The following UBR4 variants were observed in gnomAD, a reference collection of about 807,000 sequenced individuals.
UBR4 encodes ubiquitin protein ligase E3 component n-recognin 4.
In UBR4, 124 loss-of-function variants were observed where a neutral mutation model predicts 575.6. That is an observed-to-expected ratio of 0.22 (90% CI 0.19 to 0.25). The LOEUF is 0.25. Among genes scored for constraint, UBR4 ranks in the 10% least tolerant of loss-of-function variants. The pLI is 1.00. For missense variants in UBR4, 4,818 were observed against 6,478.8 expected (o/e 0.74, Z 8.80); for synonymous variants, 2,455 against 2,473.7 (o/e 0.99, Z 0.22).
In UBR4 at chr1:19,187,212, G is replaced by C. The variant is rs1304487993; in HGVS notation, c.1584C>G (p.Val528=). Reference sequence around the variant, plus strand: ...ACGTCAAGAGCAGGTTCATCAGTGGGACAGAGTCAATCAGCCGTTGAATCC... The same window carrying C: ...ACGTCAAGAGCAGGTTCATCAGTGGCACAGAGTCAATCAGCCGTTGAATCC... The part of the protein sequence containing the change: ...IQRIQRLIDS[V]PLMNLLLTLL... The change falls in exon 13 of 106, where the codon GTC becomes GTG. Residue 528 remains valine (V), a synonymous_variant. Coordinates refer to ENST00000375254, the MANE Select transcript of UBR4 (RefSeq NM_020765.3). The C allele has an allele frequency of 1.2e-6, 2 of 1,613,828 alleles. No homozygotes were observed. Among genetic ancestry groups the C allele is most frequent in the South Asian group, 1.1e-5 (1 of 91,070 alleles).
intron 17 of UBR4, among the ~76,000 whole-genome samples, chr1:19,183,417 G>C (rs2091206167): frequency 6.6e-6 from 1 of 152,122 alleles, no homozygotes; most frequent in African/African-American, 2.4e-5. Flanking sequence ...ATGACAAACT[G>C]TTCCTTAACA....
rs1221800150 is a variant in UBR4, at chr1:19,170,899, G to A, written c.3522-16C>T. 2 of 1,613,494 alleles carry A rather than the reference G, an allele frequency of 1.2e-6. No individual in the cohort carries two copies. Among genetic ancestry groups the A allele is most frequent in the Admixed American group, 3.3e-5 (2 of 59,994 alleles). On this transcript the variant is annotated splice_polypyrimidine_tract_variant and intron_variant, in intron 25 of 105. Transcript: ENST00000375254. ...CAAATAGGCTCTGGGGAAAAAACAG[G>A]GGGAAAGTGAAGCCATAAGATTCTA...
At chr1:19,078,226 G>C (rs41273189) in intron 103 of UBR4, 160 bp from the exon 104 acceptor site, 535 of 651,074 alleles carry the variant, frequency 8.2e-4, no homozygotes, top group Non-Finnish European at 1.3e-3. Context: ...CTGTGGGCAA[G>C]AACCTCTGGA....
In UBR4 at chr1:19,121,310, C is replaced by T. The variant is rs771490848; in HGVS notation, c.10020G>A (p.Ser3340=). The change falls in exon 68 of 106, where the codon TCG becomes TCA. Residue 3340 remains serine, a synonymous_variant. Coordinates refer to ENST00000375254, the MANE Select transcript of UBR4 (RefSeq NM_020765.3). Reference sequence around the variant, plus strand: ...AGGAGGAAGAAGCACTGGAGGATCCCGAAGAGGCTGCCAGTGCAGCGAGCA... The same window carrying T: ...AGGAGGAAGAAGCACTGGAGGATCCTGAAGAGGCTGCCAGTGCAGCGAGCA... ...SKVLAALAAS[S]GSSSASSSSA... The T allele has an allele frequency of 1.8e-5, 29 of 1,614,054 alleles. No individual in the cohort carries two copies. Among genetic ancestry groups the T allele is most frequent in the Non-Finnish European group, 2.2e-5 (26 of 1,180,038 alleles).
Position 19,164,411 on chromosome 1 carries a change from A to G in UBR4, c.4542T>C (p.Leu1514=). Residue 1514 remains leucine (L), a synonymous_variant, in exon 33 of 106, where the codon CTT becomes CTC. Coordinates refer to ENST00000375254, the MANE Select transcript of UBR4 (RefSeq NM_020765.3). The part of the protein sequence containing the change: ...SQVGEGVCAV[L]LGTLTPMATE... Reference sequence around the variant, plus strand: ...TTGCCATGGGAGTCAGGGTGCCCAGAAGAACAGCACACACACCTTCCCCAA... The same window carrying G: ...TTGCCATGGGAGTCAGGGTGCCCAGGAGAACAGCACACACACCTTCCCCAA... The G allele has an allele frequency of 6.2e-7, 1 of 1,614,156 alleles. No individual in the cohort carries two copies. Among genetic ancestry groups the G allele is most frequent in the Non-Finnish European group, 8.5e-7 (1 of 1,180,022 alleles).
chr1:19,143,259 G>GAAGGAAGGAAGGAAGAAAGA (rs1444831970), intron 55 of UBR4, among the ~76,000 whole-genome samples: 2 of 91,566 alleles, frequency 2.2e-5, no homozygotes, highest in African/African-American at 8.2e-5. Flanking sequence ...AGGAAGGAAG[G>GAAGGAAGGAAGGAAGAAAGA]AAGAAAGAAA....
Position 19,119,598 on chromosome 1 carries a change from G to C in UBR4, c.10414C>G (p.Leu3472Val), listed in dbSNP as rs1441022826. The change falls in exon 70 of 106, where the codon CTA (leucine) becomes GTA (valine). Residue 3472 changes from leucine (L) to valine (V), a missense_variant. Physicochemically the swap from Leu to Val is conservative, Grantham distance 32. Coordinates refer to ENST00000375254, the MANE Select transcript of UBR4 (RefSeq NM_020765.3). Reference protein sequence around the residue: ...GRKAAQFVDLLGYFSLKTPQT... With the variant: ...GRKAAQFVDLVGYFSLKTPQT... Reference sequence around the variant, plus strand: ...GGAGTTTTCAGGGAGAAATATCCTAGTAGGTCCACAAACTGGGCAGCCTTA... The same window carrying C: ...GGAGTTTTCAGGGAGAAATATCCTACTAGGTCCACAAACTGGGCAGCCTTA... The C allele has an allele frequency of 6.2e-7, 1 of 1,614,030 alleles. No homozygotes were observed. Among genetic ancestry groups the C allele is most frequent in the African/African-American group, 1.3e-5 (1 of 75,030 alleles).
At chr1:19,170,620 A>G in intron 26 of UBR4, 142 bp downstream of exon 26, 1 of 1,148,092 alleles carries the variant, frequency 8.7e-7, no homozygotes, top group Non-Finnish European at 1.2e-6. Context: ...AGATCAAAAT[A>G]GACAAACCTA....
chr1:19,121,394 A>C lies in UBR4; in HGVS notation c.9936T>G (p.Asp3312Glu). The C allele has an allele frequency of 1.2e-6, 2 of 1,614,104 alleles. No individual in the cohort carries two copies. Among genetic ancestry groups the C allele is most frequent in the Middle Eastern group, 3.3e-4 (2 of 6,056 alleles). Residue 3312 changes from aspartate (D) to glutamate (E), a missense_variant, in exon 68 of 106, where the codon GAT becomes GAG. Asp to Glu is a conservative substitution (Grantham distance 45). Coordinates refer to ENST00000375254, the MANE Select transcript of UBR4 (RefSeq NM_020765.3). ...GCAGCAGCACTGGGGACACGCCCTC[A>C]TCCACAAGGAAACTGACTTGGAGGA... ...YFLLQVSFLV[D>E]EGVSPVLLQL...
chr1:19,113,752 C>T lies in UBR4; in HGVS notation c.11404G>A (p.Glu3802Lys). ...VNRYILQLAQ[E>K]YCGDCKNSFD... ...GAGTTCTTGCAGTCTCCACAATACT[C>T]CTGAGCCAACTGCAGGATGTAACGA... The change falls in exon 77 of 106, where the codon GAG (glutamate) becomes AAG (lysine). Residue 3802 changes from glutamate to lysine, a missense_variant. Transcript: ENST00000375254. 6.2e-7 allele frequency: 1 copy of T among 1,614,224 alleles called. No individual in the cohort carries two copies. Among genetic ancestry groups the T allele is most frequent in the Non-Finnish European group, 8.5e-7 (1 of 1,180,034 alleles).
Position 19,129,063 on chromosome 1 carries a change from A to T in UBR4, c.8918T>A (p.Val2973Asp). Residue 2973 changes from valine to aspartate, a missense_variant, in exon 61 of 106, where the codon GTC becomes GAC. By Grantham distance (152) the Val-to-Asp change is radical. This residue lies in a region of UBR4 where 87 missense variants were observed against 82.8 expected (regional missense o/e 1.05). Coordinates refer to ENST00000375254, the MANE Select transcript of UBR4 (RefSeq NM_020765.3). Reference sequence around the variant, plus strand: ...TAATCTCTCCAACAGCATTAGACGGACCATGTGCAGCCTAAAAGGGTGGGG... The same window carrying T: ...TAATCTCTCCAACAGCATTAGACGGTCCATGTGCAGCCTAAAAGGGTGGGG... The part of the protein sequence containing the change: ...DVHTSNRLHM[V>D]RLMLLERLLQ... 6.2e-7 allele frequency: 1 copy of T among 1,614,082 alleles called. No homozygotes were observed. The highest frequency in any genetic ancestry group is 8.5e-7 in the Non-Finnish European group (1 of 1,179,970).
chr1:19,195,582 T>A (rs1389834907), intron 8 of UBR4, among the ~76,000 whole-genome samples: 1 of 152,134 alleles, frequency 6.6e-6, no homozygotes, highest in Non-Finnish European at 1.5e-5. Context: ...AATTTAAAAA[T>A]GCAAAATCAA....
chr1:19,088,055 A>G lies in UBR4; in HGVS notation c.14431-126T>C, dbSNP rs774090104. 1.0e-5 allele frequency: 7 copies of G among 671,152 alleles called. No individual in the cohort carries two copies. Among genetic ancestry groups the G allele is most frequent in the Non-Finnish European group, 1.8e-5 (7 of 379,260 alleles). The allele number at this position is 671,152 out of a possible 1,614,324, so 41.6% of individuals were successfully genotyped here. On this transcript the variant is annotated intron_variant, in intron 98 of 105. Coordinates refer to ENST00000375254, the MANE Select transcript of UBR4 (RefSeq NM_020765.3). The surrounding 1 kb of genome is among the most constrained non-coding windows in gnomAD (Gnocchi z 4.0). ...TAAAAGGACAGGTGCATGAGAGGAA[A>G]GCCCTTGAGCTGTCTTCTAATAAGG... is the stretch of plus-strand genomic sequence containing the variant.
chr1:19,160,807 G>C, intron 38 of UBR4, 110 bp downstream of exon 38: 1 of 1,059,136 alleles, frequency 9.4e-7, no homozygotes, highest in East Asian at 2.6e-5. Context: ...ATGAAAATGG[G>C]TAAAGGAGAA....
intron 26 of UBR4, 83 bp from the exon 27 acceptor site, chr1:19,169,615 G>C (rs1364449795): frequency 7.2e-6 from 8 of 1,111,568 alleles, no homozygotes; most frequent in Admixed American, 2.3e-5. Flanking sequence ...CCCAAATGCA[G>C]AAAGAAACAG....
At chr1:19,077,141 G>A (rs2076022828) in intron 104 of UBR4, among the ~76,000 whole-genome samples, 1 of 152,172 alleles carries the variant, frequency 6.6e-6, no homozygotes, top group Non-Finnish European at 1.5e-5. Context: ...GCTCCAACAA[G>A]TGGCTGCATT....
chr1:19,129,986 A>G (rs985325031), intron 60 of UBR4, among the ~76,000 whole-genome samples: 3 of 152,180 alleles, frequency 2.0e-5, no homozygotes, highest in Non-Finnish European at 4.4e-5. Context: ...CTTAGCAGGT[A>G]TCCAGAATAT....
chr1:19,086,885 A>T, intron 99 of UBR4, 64 bp from the exon 100 acceptor site: 6 of 1,586,606 alleles, frequency 3.8e-6, no homozygotes, highest in Non-Finnish European at 5.2e-6. Flanking sequence ...GGAGAAGCAG[A>T]ATAGAGGGGA....
At chr1:19,111,664 A>T (rs574568482) in intron 78 of UBR4, 1 of 145,278 alleles carries the variant, frequency 6.9e-6, no homozygotes, top group East Asian at 2.0e-4. Context: ...CTTGTTGCCC[A>T]GGCTGGAGTG....
Sources: gnomAD v4.1 joint callset for allele counts (sites outside exome capture counted in the v4.1 genomes callset) on GRCh38, gnomAD v4.1.1 for gene constraint, gnomAD v4.1.1 regional missense constraint, Gnocchi (gnomAD v3.1) non-coding constraint, MANE v1.5 for transcripts, NCBI Gene and HGNC (gene_info 2026-07-23, HGNC 2026-07-21) for gene names.